POLE: variants seen among roughly 807,000 people sequenced by gnomAD.
POLE encodes DNA polymerase epsilon, catalytic subunit.
In POLE, 188 loss-of-function variants were observed where a neutral mutation model predicts 279.2. The observed-to-expected ratio is 0.67, with a 90% CI of 0.60 to 0.76. The LOEUF is 0.76. POLE is among the 30% of genes least tolerant of loss of function. POLE has a pLI of 0.00. For missense variants in POLE, 2,703 were observed against 3,016.7 expected (o/e 0.90, Z 2.44); for synonymous variants, 1,214 against 1,172.5 (o/e 1.04, Z -0.72).
chr12:132,637,265 T>A (rs1455474155), intron 41 of POLE, among the ~76,000 whole-genome samples: 10 of 152,216 alleles, frequency 6.6e-5, no homozygotes, highest in Admixed American at 6.5e-4. Context: ...ATCAATTTAG[T>A]GTCAGCCTTT....
chr12:132,644,036 A>G (rs2138563744), intron 32 of POLE, 59 bp from the exon 33 acceptor site: 1 of 1,571,362 alleles, frequency 6.4e-7, no homozygotes. Flanking sequence ...TCTGTGGTAC[A>G]CACACAAAGC....
intron 13 of POLE, 133 bp downstream of exon 13, chr12:132,673,442 G>C (rs1012224887): frequency 3.0e-6 from 4 of 1,337,152 alleles, no homozygotes; most frequent in Non-Finnish European, 2.1e-6. Flanking sequence ...CTGCTGGGTG[G>C]AGCGGGCTGG....
Position 132,643,555 on chromosome 12 carries a change from C to T in POLE, c.4296G>A (p.Pro1432=), listed in dbSNP as rs777949353. 4.3e-6 allele frequency: 7 copies of T among 1,613,972 alleles called. No homozygotes were observed. In the Admixed American group the frequency reaches 6.7e-5, roughly 15 times the overall value. Residue 1432 remains proline, a synonymous_variant, in exon 34 of 49, where the codon CCG becomes CCA. Coordinates refer to ENST00000320574, the MANE Select transcript of POLE (RefSeq NM_006231.4). ...DIEGVYETQV[P]LLFRALVHLG... ...GGTGCACCAGGGCCCGGAACAGTAACGGAACCTGGAAGAATCGGGCAGACA... is the reference window on the plus strand; with the variant it reads ...GGTGCACCAGGGCCCGGAACAGTAATGGAACCTGGAAGAATCGGGCAGACA...
chr12:132,659,773 A>T, intron 25 of POLE: 1 of 392,026 alleles, frequency 2.6e-6, no homozygotes, highest in African/African-American at 2.0e-5. Context: ...ACTCACTAAA[A>T]CCTCCCCTCC....
chr12:132,670,814 T>C (rs949778275), intron 16 of POLE, among the ~76,000 whole-genome samples: 2 of 151,936 alleles, frequency 1.3e-5, no homozygotes, highest in Non-Finnish European at 2.9e-5. Context: ...TAACTCCTAT[T>C]TGTTATTCAG....
In POLE at chr12:132,661,705, G is replaced by C; in HGVS notation, c.2707-21C>G. On this transcript the variant is annotated intron_variant, in intron 23 of 48. Transcript: ENST00000320574. This position sits in a 1 kb window ranked among gnomAD's most constrained non-coding sequence, Gnocchi z 4.1. ...CCTTCCTGAGAAACAAGAGTGAAGA[G>C]GGGGCAGCTTCACTCATGATGGCCC... 6.2e-7 allele frequency: 1 copy of C among 1,612,628 alleles called. No homozygotes were observed. Among genetic ancestry groups the C allele is most frequent in the Admixed American group, 1.7e-5 (1 of 59,934 alleles).
intron 7 of POLE, 33 bp downstream of exon 7, chr12:132,677,545 A>AT (rs1565977795): frequency 1.2e-6 from 2 of 1,613,484 alleles, no homozygotes; most frequent in Non-Finnish European, 1.7e-6. Context: ...TAGGAAATTC[A>AT]TGTGAGCAGC....
In POLE at chr12:132,624,660, T is replaced by C. The variant is rs754065583; in HGVS notation, c.*37A>G. 8.3e-7 allele frequency: 1 copy of C among 1,203,988 alleles called. No individual in the cohort carries two copies. Among genetic ancestry groups the C allele is most frequent in the South Asian group, 1.2e-5 (1 of 82,906 alleles). The allele number at this position is 1,203,988 out of a possible 1,614,324, so 74.6% of individuals were successfully genotyped here. ...GATGTGGCCTTGGCATCAGGAGGCCTGGCACGGACGCAGAGGCACCCGGGG... is the reference window on the plus strand; with the variant it reads ...GATGTGGCCTTGGCATCAGGAGGCCCGGCACGGACGCAGAGGCACCCGGGG... On this transcript the variant is annotated 3_prime_UTR_variant, in exon 49 of 49. Coordinates refer to ENST00000320574, the MANE Select transcript of POLE (RefSeq NM_006231.4).
At chr12:132,685,472 C>CTGCTGGGGCA (rs2043238817) in intron 1 of POLE, among the ~76,000 whole-genome samples, 2 of 152,254 alleles carry the variant, frequency 1.3e-5, no homozygotes, top group African/African-American at 4.8e-5. Flanking sequence ...CAAACAGCAC[C>CTGCTGGGGCA]CACTGCCTCC....
chr12:132,649,545 G>A (rs2138610946), intron 30 of POLE, 30 bp from the exon 31 acceptor site: 1 of 1,607,096 alleles, frequency 6.2e-7, no homozygotes, highest in South Asian at 1.1e-5. Context: ...CAGCCAGTGT[G>A]CAAGTGGTGA....
rs577952179 is a variant in POLE, at chr12:132,642,902, G to C, written c.4646C>G (p.Pro1549Arg). Reference sequence around the variant, plus strand: ...TGCCCGAACTTCGAAGGTGTGTTTGGGGGGTGGCAGGAGCTCAGGGCCCAC... The same window carrying C: ...TGCCCGAACTTCGAAGGTGTGTTTGCGGGGTGGCAGGAGCTCAGGGCCCAC... The part of the protein sequence containing the change: ...EKVGPELLPP[P>R]KHTFEVRAET... Residue 1549 changes from proline to arginine, a missense_variant, in exon 36 of 49, where the codon CCC (proline) becomes CGC (arginine). Coordinates refer to ENST00000320574, the MANE Select transcript of POLE (RefSeq NM_006231.4). 16 of 1,613,712 alleles carry C rather than the reference G, an allele frequency of 9.9e-6. No individual in the cohort carries two copies. In the Admixed American group the frequency reaches 1.5e-4, roughly 15 times the overall value.
intron 29 of POLE, among the ~76,000 whole-genome samples, chr12:132,656,059 T>G (rs1421255112): frequency 6.6e-6 from 1 of 151,808 alleles, no homozygotes; most frequent in African/African-American, 2.4e-5. Flanking sequence ...GGTGCGTGCC[T>G]ATAATCCCAG....
Position 132,664,440 on chromosome 12 carries a change from T to C in POLE, c.2491A>G (p.Met831Val). ...CCTGTGAAGCAGACGATGCCAGCCA[T>C]CTCCATGGAGTACCAGCGAGCCCTG... ...RKGARWYSME[M>V]AGIVCFTGAN... The change falls in exon 22 of 49, where the codon ATG (methionine) becomes GTG (valine). Residue 831 changes from methionine to valine, a missense_variant. Around this residue, in one of 5 missense-constraint regions of POLE, gnomAD observed 1,011 missense variants for 1,111.7 expected, o/e 0.91. Coordinates refer to ENST00000320574, the MANE Select transcript of POLE (RefSeq NM_006231.4). This position sits in a 1 kb window ranked among gnomAD's most constrained non-coding sequence, Gnocchi z 5.3. 1 of 1,613,920 alleles carries C rather than the reference T, an allele frequency of 6.2e-7. No individual in the cohort carries two copies. Among genetic ancestry groups the C allele is most frequent in the Non-Finnish European group, 8.5e-7 (1 of 1,179,980 alleles).
At position 132,664,593 on chromosome 12, in the gene POLE, A is replaced by C. The variant is rs2042750808; in HGVS notation, c.2469-131T>G. 1 of 707,792 alleles carries C rather than the reference A, an allele frequency of 1.4e-6. No homozygotes were observed. The allele number at this position is 707,792 out of a possible 1,614,324, so 43.8% of individuals were successfully genotyped here. A position where few individuals can be genotyped will look rare whatever the true frequency, so the allele number is the denominator to read the frequency against. On this transcript the variant is annotated intron_variant, in intron 21 of 48. Transcript: ENST00000320574. The surrounding 1 kb of genome is among the most constrained non-coding windows in gnomAD (Gnocchi z 5.3). ...AAGGGAAGCAGCCAAATGTGCGTGC[A>C]CCAGGACAGAACTAAGGTGGAATCT...
rs2138421148 is a variant in POLE at position 132,624,537 on chromosome 12, T to C, written c.*160A>G. The C allele has an allele frequency of 1.6e-6, 1 of 641,068 alleles. No homozygotes were observed. Among genetic ancestry groups the C allele is most frequent in the East Asian group, 2.7e-5 (1 of 37,268 alleles). 39.7% of individuals were successfully genotyped at this position (641,068 alleles called of 1,614,324 possible). ...TCCCTCCTGTGACGTCTGAGCTCCC[T>C]GAAAATGGTTTTCTTTGGTTTCCTC... On this transcript the variant is annotated 3_prime_UTR_variant, in exon 49 of 49. Transcript: ENST00000320574.
At chr12:132,674,210 A>AC (rs1389351521) in intron 12 of POLE, among the ~76,000 whole-genome samples, 2 of 150,680 alleles carry the variant, frequency 1.3e-5, no homozygotes, top group African/African-American at 4.9e-5. Context: ...AAGGCCCCCC[A>AC]CACTCTACCC....
chr12:132,680,371 A>G, intron 3 of POLE, 149 bp from the exon 4 acceptor site: 1 of 753,708 alleles, frequency 1.3e-6, no homozygotes, highest in Non-Finnish European at 2.3e-6. Context: ...CAGAATGCGC[A>G]CTTTTCACAG....
chr12:132,629,415 A>G (rs776137826), intron 45 of POLE, among the ~76,000 whole-genome samples: 3 of 152,206 alleles, frequency 2.0e-5, no homozygotes, highest in Non-Finnish European at 2.9e-5. Flanking sequence ...TACACGGAAA[A>G]TATGTTGTCA....
chr12:132,641,006 T>C (rs1488404472), intron 39 of POLE: 1 of 456,748 alleles, frequency 2.2e-6, no homozygotes, highest in Admixed American at 2.3e-5. Flanking sequence ...AGACTTGTTT[T>C]TGAGCACCTA....
Sources: allele counts gnomAD v4.1 joint callset (sites outside exome capture counted in the v4.1 genomes callset), GRCh38; gene constraint gnomAD v4.1.1; regional missense constraint gnomAD v4.1.1; non-coding constraint Gnocchi (gnomAD v3.1); transcripts MANE v1.5; gene names NCBI Gene and HGNC (gene_info 2026-07-23, HGNC 2026-07-21).